The following DLGAP2 variants were observed in gnomAD, a reference collection of about 807,000 sequenced individuals.
DLGAP2 encodes the protein DLG associated protein 2, also known as disks large-associated protein 2.
In DLGAP2, 26 loss-of-function variants were observed where a neutral mutation model predicts 100.3. The ratio of observed to expected loss-of-function variants is 0.26; its 90% CI spans 0.19 to 0.36. The LOEUF (loss-of-function observed/expected upper bound fraction) is 0.36. Among genes scored for constraint, DLGAP2 ranks in the 10% least tolerant of loss-of-function variants. The probability of loss-of-function intolerance (pLI) is 1.00; values close to 1 mark genes in which losing one functional copy is unlikely to be tolerated. For synonymous variants in DLGAP2, 886 were observed against 630.1 expected, an observed-to-expected ratio of 1.41 and a Z score of -6.08; for missense variants, 1,858 against 1,453.2, an observed-to-expected ratio of 1.28 and a Z score of -4.53.
intron 1 of DLGAP2, among the ~76,000 whole-genome samples, chr8:853,311 AG>A (rs1293762720): frequency 6.6e-6 from 1 of 152,172 alleles, no homozygotes; most frequent in Non-Finnish European, 1.5e-5. Context: ...GAGTCCCAGG[AG>A]GGGCTTGGTT....
chr8:1,536,458 A>G (rs1359088973), intron 4 of DLGAP2, among the ~76,000 whole-genome samples: 1 of 152,174 alleles, frequency 6.6e-6, no homozygotes, highest in East Asian at 1.9e-4. Context: ...CAGGTGCATT[A>G]AAATTCTGAA....
At chr8:1,242,734 G>C (rs1798824512) in intron 2 of DLGAP2, among the ~76,000 whole-genome samples, 1 of 152,214 alleles carries the variant, frequency 6.6e-6, no homozygotes, top group Non-Finnish European at 1.5e-5. Context: ...ATGGATGTAT[G>C]TATGGACAGA....
intron 1 of DLGAP2, among the ~76,000 whole-genome samples, chr8:785,461 GC>G (rs1821825556): frequency 6.8e-6 from 1 of 146,518 alleles, no homozygotes; most frequent in Non-Finnish European, 1.5e-5. Flanking sequence ...TCTGAGACCG[GC>G]CTCCCTCCTC....
chr8:1,103,383 C>T (rs531465401), intron 2 of DLGAP2, among the ~76,000 whole-genome samples: 16 of 151,700 alleles, frequency 1.1e-4, no homozygotes, highest in East Asian at 5.9e-4. Flanking sequence ...ACTTGGTTAA[C>T]GGTGACGACT....
intron 1 of DLGAP2, among the ~76,000 whole-genome samples, chr8:816,345 T>G (rs1796480971): frequency 6.6e-6 from 1 of 152,088 alleles, no homozygotes; most frequent in Non-Finnish European, 1.5e-5. Flanking sequence ...TAAGGAATTC[T>G]ACTTTGGTGT....
intron 3 of DLGAP2, among the ~76,000 whole-genome samples, chr8:1,429,856 A>G (rs1173736048): frequency 1.3e-5 from 2 of 150,822 alleles, no homozygotes; most frequent in African/African-American, 4.9e-5. Flanking sequence ...TGATTTGTCC[A>G]AGGTGATCTG....
At chr8:1,205,297 G>A (rs575136204) in intron 2 of DLGAP2, among the ~76,000 whole-genome samples, 1 of 152,178 alleles carries the variant, frequency 6.6e-6, no homozygotes, top group Non-Finnish European at 1.5e-5. Flanking sequence ...AGGAGGGGTC[G>A]GGGATAGCCC....
intron 3 of DLGAP2, among the ~76,000 whole-genome samples, chr8:1,281,519 A>T (rs746581375): frequency 6.6e-6 from 1 of 151,894 alleles, no homozygotes; most frequent in Non-Finnish European, 1.5e-5. Flanking sequence ...ACAGCCCTGG[A>T]CTCCCTGATG....
At chr8:1,320,247 G>T (rs138569426) in intron 3 of DLGAP2, among the ~76,000 whole-genome samples, 1,609 of 152,168 alleles carry the variant, frequency 0.011, 31 homozygotes, top group African/African-American at 0.036. Context: ...AAAGTTATGT[G>T]TTCTTCCTGA....
At chr8:987,834 T>G (rs1800532002) in intron 2 of DLGAP2, among the ~76,000 whole-genome samples, 1 of 152,182 alleles carries the variant, frequency 6.6e-6, no homozygotes, top group African/African-American at 2.4e-5. Context: ...CCCCAACATA[T>G]GACAGATAAA....
chr8:1,465,098 C>G (rs1206037034), intron 3 of DLGAP2, among the ~76,000 whole-genome samples: 1 of 152,242 alleles, frequency 6.6e-6, no homozygotes, highest in Non-Finnish European at 1.5e-5. Context: ...GCACATTCAC[C>G]TGGCGGGAAC....
intron 2 of DLGAP2, among the ~76,000 whole-genome samples, chr8:1,070,580 C>G (rs1007003878): frequency 1.3e-5 from 2 of 152,116 alleles, no homozygotes; most frequent in Admixed American, 6.5e-5. Flanking sequence ...ACTCATGTTC[C>G]AAACAGAAAG....
intron 3 of DLGAP2, among the ~76,000 whole-genome samples, chr8:1,388,269 C>T (rs1309188428): frequency 8.5e-5 from 10 of 117,358 alleles, no homozygotes; most frequent in African/African-American, 3.1e-4. Flanking sequence ...GATGAGGAGG[C>T]GCTGGTTCAG....
intron 1 of DLGAP2, among the ~76,000 whole-genome samples, chr8:844,980 G>T (rs1030481944): frequency 6.6e-6 from 1 of 152,138 alleles, no homozygotes; most frequent in African/African-American, 2.4e-5. Flanking sequence ...ATGTTTTAAG[G>T]TTCGTCCATG....
intron 12 of DLGAP2, 164 bp downstream of exon 12, chr8:1,678,793 A>G (rs1798874397): frequency 5.2e-6 from 4 of 775,452 alleles, no homozygotes; most frequent in Non-Finnish European, 7.4e-6. Context: ...AAAAGATATA[A>G]ATTACATGAA....
At chr8:770,274 G>C (rs1360237686) in intron 1 of DLGAP2, among the ~76,000 whole-genome samples, 1 of 152,108 alleles carries the variant, frequency 6.6e-6, no homozygotes, top group South Asian at 2.1e-4. Context: ...GGCGTGCGTG[G>C]CTCAGAGGGA....
chr8:1,271,406 A>G (rs1799580554), intron 3 of DLGAP2, among the ~76,000 whole-genome samples: 1 of 152,192 alleles, frequency 6.6e-6, no homozygotes, highest in African/African-American at 2.4e-5. Context: ...TTTTACTTTT[A>G]TTCTGGAGAC....
chr8:1,503,757 C>G (rs866405906), intron 4 of DLGAP2, among the ~76,000 whole-genome samples: 1 of 152,030 alleles, frequency 6.6e-6, no homozygotes, highest in Non-Finnish European at 1.5e-5. Flanking sequence ...TGGGGGTTGG[C>G]CATTGTAAGA....
chr8:1,626,092 C>T (rs1370127690), intron 6 of DLGAP2, among the ~76,000 whole-genome samples: 1 of 144,278 alleles, frequency 6.9e-6, no homozygotes, highest in South Asian at 2.2e-4. Context: ...GGTGCTCAGC[C>T]TCTGGGTGTG....
Sources: allele counts gnomAD v4.1 joint callset (sites outside exome capture counted in the v4.1 genomes callset), GRCh38; gene constraint gnomAD v4.1.1; transcripts MANE v1.5; gene names NCBI Gene and HGNC (gene_info 2026-07-23, HGNC 2026-07-21).